The following ITPK1 variants were observed in gnomAD, a reference collection of about 807,000 sequenced individuals.
ITPK1 encodes the protein inositol-tetrakisphosphate 1-kinase, also known as inositol 1,3,4-trisphosphate 5/6-kinase.
In ITPK1, 21 loss-of-function variants were observed where a neutral mutation model predicts 45.3. The ratio of observed to expected loss-of-function variants is 0.46; its 90% CI spans 0.33 to 0.67. The LOEUF is 0.67. ITPK1 is among the 30% of genes least tolerant of loss of function. The pLI is 0.02. For missense variants in ITPK1, 474 were observed against 573.5 expected, an observed-to-expected ratio of 0.83 and a Z score of 1.77; for synonymous variants, 258 against 253.6, an observed-to-expected ratio of 1.02 and a Z score of -0.16.
chr14:93,020,207 A>C (rs1399963235), intron 3 of ITPK1, among the ~76,000 whole-genome samples: 1 of 152,230 alleles, frequency 6.6e-6, no homozygotes, highest in Non-Finnish European at 1.5e-5. Flanking sequence ...AAAGGCCTGC[A>C]AACCCCAGTG....
intron 8 of ITPK1, among the ~76,000 whole-genome samples, chr14:92,953,816 AAC>A (rs1888072391): frequency 6.6e-6 from 1 of 152,198 alleles, no homozygotes; most frequent in African/African-American, 2.4e-5. Context: ...CATGCAACAC[AAC>A]AGTTTCTCCT....
Position 93,032,471 on chromosome 14 carries a change from A to C in ITPK1, c.121-15670T>G, listed in dbSNP as rs555390500. Among the ~76,000 whole-genome samples the C allele has an allele frequency of 1.2e-4, 18 of 152,370 alleles. No individual in the cohort carries two copies. Among genetic ancestry groups the C allele is most frequent in the African/African-American group, 4.3e-4 (18 of 41,592 alleles). ...TTGCGTCAAGCTAAGCAGCAGCAGAAGCTTTCCTGCAGGACTTCTCAGATA... is the reference window on the plus strand; with the variant it reads ...TTGCGTCAAGCTAAGCAGCAGCAGACGCTTTCCTGCAGGACTTCTCAGATA... On this transcript the variant is annotated intron_variant, in intron 3 of 10. Transcript: ENST00000267615. The surrounding 1 kb of genome is among the most constrained non-coding windows in gnomAD (Gnocchi z 4.0).
In ITPK1 at chr14:93,025,837, T is replaced by A. The variant is rs577230884; in HGVS notation, c.121-9036A>T. On this transcript the variant is annotated intron_variant, in intron 3 of 10. Coordinates refer to ENST00000267615, the MANE Select transcript of ITPK1 (RefSeq NM_014216.6). ...CCTACACATCCTTAAGAACAGGACT[T>A]GGAGCTGGGTGTGGTGGCTCATGCC... Among the ~76,000 whole-genome samples the A allele has an allele frequency of 2.0e-5, 3 of 152,370 alleles. No homozygotes were observed. In the South Asian group the frequency reaches 6.2e-4, roughly 32 times the overall value.
Position 92,941,040 on chromosome 14 carries a change from G to C in ITPK1, c.*521C>G. 8.1e-7 allele frequency: 1 copy of C among 1,232,418 alleles called. No homozygotes were observed. The highest frequency in any genetic ancestry group is 1.0e-6 in the Non-Finnish European group (1 of 961,734). 76.3% of individuals were successfully genotyped at this position (1,232,418 alleles called of 1,614,324 possible). A position where few individuals can be genotyped will look rare whatever the true frequency, so the allele number is the denominator to read the frequency against. ...TTAGCTGCACACCAGGCAGGGTGGG[G>C]GCTAACAAAGCCTTGGTGGAGACCA... On this transcript the variant is annotated 3_prime_UTR_variant, in exon 11 of 11. Coordinates refer to ENST00000267615, the MANE Select transcript of ITPK1 (RefSeq NM_014216.6).
intron 4 of ITPK1, among the ~76,000 whole-genome samples, chr14:93,004,356 T>C (rs1312395599): frequency 1.3e-5 from 2 of 152,230 alleles, no homozygotes; most frequent in Non-Finnish European, 2.9e-5. Context: ...CCTTCTTTCC[T>C]AACTTTTCTA....
intron 5 of ITPK1, among the ~76,000 whole-genome samples, chr14:92,985,215 T>C (rs1278036928): frequency 6.6e-6 from 1 of 152,142 alleles, no homozygotes; most frequent in East Asian, 1.9e-4. Flanking sequence ...CCATCCCAGA[T>C]GGCAGGAGAC....
At chr14:93,017,350 G>T (rs1888232494) in intron 3 of ITPK1, among the ~76,000 whole-genome samples, 1 of 152,218 alleles carries the variant, frequency 6.6e-6, no homozygotes, top group Admixed American at 6.5e-5. Context: ...CCAGCCACTT[G>T]CACTTCACAC....
intron 2 of ITPK1, among the ~76,000 whole-genome samples, chr14:93,101,881 C>T (rs1012071696): frequency 1.3e-5 from 2 of 152,310 alleles, no homozygotes; most frequent in South Asian, 2.1e-4. Flanking sequence ...GTCACTTACC[C>T]TCTCTGAGCC....
intron 7 of ITPK1, among the ~76,000 whole-genome samples, chr14:92,961,863 T>C (rs1885090192): frequency 6.6e-6 from 1 of 152,204 alleles, no homozygotes; most frequent in Non-Finnish European, 1.5e-5. Flanking sequence ...ATCAGAGAGC[T>C]TGCTCTTGCT....
chr14:93,048,625 C>T (rs1485136922), intron 3 of ITPK1, among the ~76,000 whole-genome samples: 3 of 152,166 alleles, frequency 2.0e-5, no homozygotes, highest in Admixed American at 1.3e-4. Context: ...GGGGCCAGGG[C>T]GAAATAGCCA....
chr14:93,022,515 C>CTT (rs750617400), intron 3 of ITPK1, among the ~76,000 whole-genome samples: 13 of 137,952 alleles, frequency 9.4e-5, no homozygotes, highest in East Asian at 2.1e-4. Flanking sequence ...AAGACCACAT[C>CTT]TTTTTTTTTT....
chr14:93,115,031 C>T (rs938917357), intron 2 of ITPK1, 38 bp downstream of exon 2: 3 of 1,363,778 alleles, frequency 2.2e-6, no homozygotes, highest in African/African-American at 1.5e-5. Flanking sequence ...GGGCTCGGGC[C>T]GGGGGTCCCC....
chr14:92,975,887 T>C (rs925793707), intron 5 of ITPK1, among the ~76,000 whole-genome samples: 1 of 152,110 alleles, frequency 6.6e-6, no homozygotes, highest in Non-Finnish European at 1.5e-5. Flanking sequence ...AATTGAATCA[T>C]GGAGGCGGTT....
At chr14:92,966,669 C>G (rs1191021841) in intron 5 of ITPK1, among the ~76,000 whole-genome samples, 7 of 152,196 alleles carry the variant, frequency 4.6e-5, no homozygotes. Flanking sequence ...AGTTGGAGGA[C>G]TCACACTTCC....
At chr14:93,064,205 C>T (rs1406127104) in intron 3 of ITPK1, among the ~76,000 whole-genome samples, 2 of 152,132 alleles carry the variant, frequency 1.3e-5, no homozygotes, top group South Asian at 4.1e-4. Flanking sequence ...ATGGCGTGAA[C>T]GTGGGAGGCA....
chr14:92,982,157 A>T (rs2139784965), intron 5 of ITPK1, among the ~76,000 whole-genome samples: 1 of 152,346 alleles, frequency 6.6e-6, no homozygotes, highest in Non-Finnish European at 1.5e-5. Context: ...TATGCAAGGG[A>T]AAACCATTGT....
intron 3 of ITPK1, among the ~76,000 whole-genome samples, chr14:93,073,348 G>A (rs1194376818): frequency 6.6e-6 from 1 of 152,166 alleles, no homozygotes; most frequent in African/African-American, 2.4e-5. Context: ...GGGAAGAAGG[G>A]CTCCCGAGCT....
chr14:93,004,857 G>A (rs1193961308), intron 4 of ITPK1, among the ~76,000 whole-genome samples: 1 of 151,846 alleles, frequency 6.6e-6, no homozygotes, highest in African/African-American at 2.4e-5. Context: ...CCACAGGCAT[G>A]GGCCAGGGGA....
At chr14:93,005,150 T>A (rs1380057491) in intron 4 of ITPK1, among the ~76,000 whole-genome samples, 1 of 151,996 alleles carries the variant, frequency 6.6e-6, no homozygotes, top group Non-Finnish European at 1.5e-5. Flanking sequence ...TGGGGATGGA[T>A]GCGGTCTTGG....
Sources: gnomAD v4.1 joint callset for allele counts (sites outside exome capture counted in the v4.1 genomes callset) on GRCh38, gnomAD v4.1.1 for gene constraint, Gnocchi (gnomAD v3.1) non-coding constraint, MANE v1.5 for transcripts, NCBI Gene and HGNC (gene_info 2026-07-23, HGNC 2026-07-21) for gene names.